The following MPP2 variants were observed in gnomAD, a reference collection of about 807,000 sequenced individuals.
The protein encoded by MPP2 is MAGUK p55 subfamily member 2.
MPP2 carries 42 observed loss-of-function variants against 58.5 expected under a neutral mutation model. The observed-to-expected ratio is 0.72, with a 90% CI of 0.56 to 0.93. The LOEUF is 0.93. Among genes scored for constraint, MPP2 ranks in the 40% least tolerant of loss-of-function variants. The pLI is 0.00. For synonymous variants in MPP2, 300 were observed against 307.8 expected (o/e 0.97, Z 0.26); for missense variants, 632 against 760.4 (o/e 0.83, Z 1.99).
chr17:43,907,717 C>G, upstream of MPP2: 1 of 985,560 alleles, frequency 1.0e-6, no homozygotes, highest in Admixed American at 6.1e-5. Flanking sequence ...GCACAGACCA[C>G]GACGCCCTGC....
intron 3 of MPP2, among the ~76,000 whole-genome samples, chr17:43,883,916 G>C (rs1295919734): frequency 1.3e-5 from 2 of 152,168 alleles, no homozygotes; most frequent in Non-Finnish European, 2.9e-5. Context: ...TCCATACCAA[G>C]GAGCGCTGAA....
chr17:43,890,310 T>G (rs1306915836), intron 3 of MPP2, among the ~76,000 whole-genome samples: 2 of 152,210 alleles, frequency 1.3e-5, no homozygotes, highest in Non-Finnish European at 2.9e-5. Context: ...TGAATTTCTG[T>G]GGTAGCCATT....
rs1597803387 is a variant in MPP2 at position 43,898,354 on chromosome 17, C to T, written c.58G>A (p.Gly20Arg). The T allele has an allele frequency of 3.1e-6, 5 of 1,613,996 alleles. No individual in the cohort carries two copies. The African/African-American group carries it at 4.0e-5, about 13-fold the overall frequency. The change falls in exon 3 of 13, where the codon GGA becomes AGA. Residue 20 changes from glycine to arginine, a missense_variant. Coordinates refer to ENST00000269095, the MANE Select transcript of MPP2 (RefSeq NM_005374.5). The part of the protein sequence containing the change: ...TAMQQVLDNL[G>R]SLPSATGAAE... ...GCCCCCGTGGCACTGGGGAGGGATC[C>T]CAAGTTGTCCAGGACTTGCTGCATG...
chr17:43,886,062 C>A (rs529781422), intron 3 of MPP2, among the ~76,000 whole-genome samples: 1 of 151,518 alleles, frequency 6.6e-6, no homozygotes, highest in Non-Finnish European at 1.5e-5. Flanking sequence ...GAGCTGAGAT[C>A]GCGCCACTGC....
At chr17:43,902,505 C>T (rs1011344369) in intron 2 of MPP2, among the ~76,000 whole-genome samples, 4 of 152,204 alleles carry the variant, frequency 2.6e-5, no homozygotes, top group African/African-American at 9.7e-5. Flanking sequence ...CCCCAGGGAG[C>T]CCAGCAGGCT....
chr17:43,888,811 C>T (rs955053252), intron 3 of MPP2, among the ~76,000 whole-genome samples: 7 of 152,146 alleles, frequency 4.6e-5, no homozygotes, highest in African/African-American at 1.2e-4. Flanking sequence ...CACCCCTGGA[C>T]GTTTTATACC....
chr17:43,881,166 T>C lies in MPP2; in HGVS notation c.920-8A>G, dbSNP rs755251793. On this transcript the variant is annotated splice_polypyrimidine_tract_variant and splice_region_variant and intron_variant, in intron 8 of 12. Transcript: ENST00000269095. The stretch of plus-strand genomic sequence containing the variant: ...GGCTGCCGCATAGGGTCCCTGGCCA[T>C]AGGGAGATGGGTGAGTGAGGCAGAC... The C allele has an allele frequency of 9.9e-6, 16 of 1,613,502 alleles. No homozygotes were observed. Among genetic ancestry groups the C allele is most frequent in the East Asian group, 4.5e-5 (2 of 44,852 alleles).
Position 43,877,753 on chromosome 17 carries a change from G to A in MPP2, c.*54C>T. 1.3e-6 allele frequency: 2 copies of A among 1,485,256 alleles called. No homozygotes were observed. The allele number at this position is 1,485,256 out of a possible 1,614,324, so 92.0% of individuals were successfully genotyped here. A position where few individuals can be genotyped will look rare whatever the true frequency, so the allele number is the denominator to read the frequency against. On this transcript the variant is annotated 3_prime_UTR_variant, in exon 13 of 13. Coordinates refer to ENST00000269095, the MANE Select transcript of MPP2 (RefSeq NM_005374.5). ...GGGGGTCACAGGTCAGGAGGGGGATGGATTCAGGTTCTGGGTTTCAACACA... is the reference window on the plus strand; with the variant it reads ...GGGGGTCACAGGTCAGGAGGGGGATAGATTCAGGTTCTGGGTTTCAACACA...
In MPP2 at chr17:43,876,318, T is replaced by C. The variant is rs2046827053; in HGVS notation, c.*1489A>G. ...GGTTTGGACTCAGGGTGTCACAGGT[T>C]GTCCCCTCTGAGGACAGGCTCCCCC... On this transcript the variant is annotated 3_prime_UTR_variant, in exon 13 of 13. Transcript: ENST00000269095. 6.6e-6 allele frequency: 1 copy of C among 152,640 alleles called. No homozygotes were observed. The highest frequency in any genetic ancestry group is 2.4e-5 in the African/African-American group (1 of 41,448). 9.5% of individuals were successfully genotyped at this position (152,640 alleles called of 1,614,324 possible). A position where few individuals can be genotyped will look rare whatever the true frequency, so the allele number is the denominator to read the frequency against.
chr17:43,898,400 G>A lies in MPP2; in HGVS notation c.32-20C>T. On this transcript the variant is annotated intron_variant, in intron 2 of 12. Transcript: ENST00000269095. Reference sequence around the variant, plus strand: ...GCATGGCTGGGGGAAGGTACGGGCAGTGAGATACACAGGTACCAGCTGGGT... The same window carrying A: ...GCATGGCTGGGGGAAGGTACGGGCAATGAGATACACAGGTACCAGCTGGGT... The A allele has an allele frequency of 3.2e-6, 5 of 1,570,558 alleles. No homozygotes were observed. The highest frequency in any genetic ancestry group is 3.5e-6 in the Non-Finnish European group (4 of 1,140,868).
At chr17:43,904,592 G>T in intron 1 of MPP2, 99 bp from the exon 2 acceptor site, 1 of 1,014,436 alleles carries the variant, frequency 9.9e-7, no homozygotes, top group Non-Finnish European at 1.5e-6. Flanking sequence ...GAAAGGTAGG[G>T]GAGAAGGTGC....
In MPP2 at chr17:43,879,607, G is replaced by A. The variant is rs1233486793; in HGVS notation, c.1353+175C>T. ...GTGACTGGAGGAGACTAGAGGAGGA[G>A]TGGGGACTCTGGAAGGCTGAGAAAG... is the stretch of plus-strand genomic sequence containing the variant. On this transcript the variant is annotated intron_variant, in intron 11 of 12. Coordinates refer to ENST00000269095, the MANE Select transcript of MPP2 (RefSeq NM_005374.5). This position sits in a 1 kb window ranked among gnomAD's most constrained non-coding sequence, Gnocchi z 4.1. Among the ~76,000 whole-genome samples, 2 of 152,126 alleles carry A rather than the reference G, an allele frequency of 1.3e-5. No individual in the cohort carries two copies. The highest frequency in any genetic ancestry group is 2.4e-5 in the African/African-American group (1 of 41,416).
chr17:43,898,499 G>GGCAACATTCCCCTCCCA, intron 2 of MPP2, 119 bp from the exon 3 acceptor site: 2 of 608,766 alleles, frequency 3.3e-6, no homozygotes, highest in South Asian at 3.7e-5. Flanking sequence ...GCCCCTCCCC[G>GGCAACATTCCCCTCCCA]GCAACATTCC....
At chr17:43,898,622 A>G (rs917353707) in intron 2 of MPP2, among the ~76,000 whole-genome samples, 2 of 152,170 alleles carry the variant, frequency 1.3e-5, no homozygotes, top group African/African-American at 4.8e-5. Context: ...TGCCAGCCTG[A>G]GCAGGTGGGA....
At chr17:43,887,157 AG>A (rs2047404534) in intron 3 of MPP2, among the ~76,000 whole-genome samples, 1 of 151,640 alleles carries the variant, frequency 6.6e-6, no homozygotes, top group African/African-American at 2.4e-5. Context: ...GCTCAAGACC[AG>A]CCTGGGTAAG....
At position 43,880,968 on chromosome 17, in the gene MPP2, G is replaced by A; in HGVS notation, c.989-116C>T. Reference sequence around the variant, plus strand: ...CAGGGGAGCAGGGGGGAGTCGGGCAGGGCCTAGGGACACGGCTGGCAGCAT... The same window carrying A: ...CAGGGGAGCAGGGGGGAGTCGGGCAAGGCCTAGGGACACGGCTGGCAGCAT... On this transcript the variant is annotated intron_variant, in intron 9 of 12. Transcript: ENST00000269095. The surrounding 1 kb of genome is among the most constrained non-coding windows in gnomAD (Gnocchi z 5.2). 6.6e-7 allele frequency: 1 copy of A among 1,522,068 alleles called. No individual in the cohort carries two copies. The highest frequency in any genetic ancestry group is 9.0e-7 in the Non-Finnish European group (1 of 1,111,436). The allele number at this position is 1,522,068 out of a possible 1,614,324, so 94.3% of individuals were successfully genotyped here. A position where few individuals can be genotyped will look rare whatever the true frequency, so the allele number is the denominator to read the frequency against.
At chr17:43,905,225 C>G (rs1354632403) in intron 1 of MPP2, 1 of 152,086 alleles carries the variant, frequency 6.6e-6, no homozygotes, top group African/African-American at 2.4e-5. Flanking sequence ...AGAATTTGAG[C>G]CAAAGTAGAA....
At chr17:43,896,006 T>C (rs231500) in intron 3 of MPP2, among the ~76,000 whole-genome samples, 121,865 of 152,094 alleles carry the variant, frequency 0.8, 49,833 homozygotes, top group East Asian at 1. Context: ...TAGGCTACAA[T>C]CCAAGGACAT....
At chr17:43,900,597 C>A in intron 2 of MPP2, 2 of 1,493,242 alleles carry the variant, frequency 1.3e-6, no homozygotes, top group Non-Finnish European at 1.8e-6. Flanking sequence ...CTACACGCCG[C>A]CGTCTACCGC....
Sources: gnomAD v4.1 joint callset for allele counts (sites outside exome capture counted in the v4.1 genomes callset) on GRCh38, gnomAD v4.1.1 for gene constraint, Gnocchi (gnomAD v3.1) non-coding constraint, MANE v1.5 for transcripts, NCBI Gene and HGNC (gene_info 2026-07-23, HGNC 2026-07-21) for gene names.